The following TMEM165 variants were observed in gnomAD, a reference collection of about 807,000 sequenced individuals.
TMEM165 encodes transmembrane protein 165, also known as putative divalent cation/proton antiporter TMEM165.
TMEM165 carries 19 observed loss-of-function variants against 30.0 expected under a neutral mutation model. That is an observed-to-expected ratio of 0.63 (90% CI 0.44 to 0.93). The LOEUF is 0.93. TMEM165 is among the 40% of genes least tolerant of loss of function. TMEM165 has a pLI of 0.00. For synonymous variants in TMEM165, 168 were observed against 162.9 expected, an observed-to-expected ratio of 1.03 and a Z score of -0.24; for missense variants, 340 against 417.0, an observed-to-expected ratio of 0.82 and a Z score of 1.61.
intron 3 of TMEM165, chr4:55,434,187 T>C (rs147506592): frequency 1.3e-5 from 2 of 152,584 alleles, no homozygotes; most frequent in Non-Finnish European, 2.9e-5. Flanking sequence ...TGGTGAGTTA[T>C]CACCTGAATT....
chr4:55,442,177 T>A, intron 3 of TMEM165: 1 of 461,022 alleles, frequency 2.2e-6, no homozygotes, highest in African/African-American at 2.0e-5. Context: ...TTTCTAACAG[T>A]GTGCTGCAGA....
At chr4:55,447,448 A>G (rs1723959234) in intron 3 of TMEM165, among the ~76,000 whole-genome samples, 1 of 152,252 alleles carries the variant, frequency 6.6e-6, no homozygotes, top group Non-Finnish European at 1.5e-5. Context: ...GACAAGCATT[A>G]TATTGATAGC....
intron 1 of TMEM165, among the ~76,000 whole-genome samples, chr4:55,396,923 A>G (rs1242596439): frequency 6.6e-6 from 1 of 152,236 alleles, no homozygotes; most frequent in Non-Finnish European, 1.5e-5. Context: ...AGTAGCCTTT[A>G]GGAACGCAGA....
intron 4 of TMEM165, among the ~76,000 whole-genome samples, chr4:55,418,830 T>C: frequency 6.6e-6 from 1 of 152,116 alleles, no homozygotes; most frequent in Middle Eastern, 3.2e-3. Context: ...GCGGATCACC[T>C]GAGGTCAGGA....
intron 3 of TMEM165, among the ~76,000 whole-genome samples, chr4:55,438,089 G>A (rs574907293): frequency 2.6e-5 from 4 of 152,282 alleles, no homozygotes; most frequent in Non-Finnish European, 5.9e-5. Context: ...CACGTCTAAA[G>A]TCTTCCAACG....
intron 3 of TMEM165, among the ~76,000 whole-genome samples, chr4:55,451,612 T>C (rs1419041548): frequency 6.6e-6 from 1 of 152,216 alleles, no homozygotes; most frequent in Non-Finnish European, 1.5e-5. Context: ...ATAGCTGGTG[T>C]GTATTTTGGA....
At chr4:55,445,414 C>A (rs1723725846) in intron 3 of TMEM165, among the ~76,000 whole-genome samples, 1 of 151,898 alleles carries the variant, frequency 6.6e-6, no homozygotes, top group African/African-American at 2.4e-5. Flanking sequence ...TCTCTATTAT[C>A]CAGTTGCTAT....
chr4:55,408,023 A>G (rs1560390299), intron 1 of TMEM165, among the ~76,000 whole-genome samples: 1 of 152,188 alleles, frequency 6.6e-6, no homozygotes, highest in African/African-American at 2.4e-5. Context: ...TATACACTTA[A>G]CCACTACACT....
chr4:55,432,750 C>T (rs541320765), intron 3 of TMEM165: 1 of 152,230 alleles, frequency 6.6e-6, no homozygotes, highest in African/African-American at 2.4e-5. Flanking sequence ...AGAAAAGCAG[C>T]TAGCTGCTCC....
chr4:55,428,166 G>A (rs1722314443), downstream of TMEM165: 1 of 152,172 alleles, frequency 6.6e-6, no homozygotes, highest in South Asian at 2.1e-4. Context: ...GTATGGGAAA[G>A]AGCAGAATAA....
rs148458174 is a variant in TMEM165 at position 55,448,504 on chromosome 4, A to G, written c.409-3735A>G. ...GGGCCAGTGATACCCCACAATCATT[A>G]CAACAATCAAAAATGTCCCCAGATA... On this transcript the variant is annotated intron_variant, in intron 3 of 3. Transcript: ENST00000608091. Among the ~76,000 whole-genome samples the G allele has an allele frequency of 9.6e-3, 1,456 of 152,224 alleles. 9 individuals carry two copies. The highest frequency in any genetic ancestry group is 0.017 in the Non-Finnish European group (1,136 of 68,004).
At chr4:55,444,779 A>G in intron 3 of TMEM165, 1 of 1,613,970 alleles carries the variant, frequency 6.2e-7, no homozygotes, top group Non-Finnish European at 8.5e-7. Context: ...TGAGCTGAAA[A>G]CTGAAACTGA....
intron 3 of TMEM165, among the ~76,000 whole-genome samples, chr4:55,447,911 G>A (rs1267300890): frequency 2.6e-5 from 4 of 152,108 alleles, no homozygotes; most frequent in Non-Finnish European, 4.4e-5. Context: ...TAATGTGTTT[G>A]AGGCACTGAA....
At chr4:55,450,302 T>C (rs1724313309) in intron 3 of TMEM165, 2 of 1,581,214 alleles carry the variant, frequency 1.3e-6, no homozygotes, top group South Asian at 2.2e-5. Flanking sequence ...ACAATACTGT[T>C]AACAACAACA....
chr4:55,449,610 C>A, intron 3 of TMEM165: 1 of 893,468 alleles, frequency 1.1e-6, no homozygotes, highest in Non-Finnish European at 1.8e-6. Flanking sequence ...TTTTTCCAAA[C>A]CATTCAATGA....
chr4:55,419,271 C>T (rs891798099), intron 4 of TMEM165, among the ~76,000 whole-genome samples: 3 of 152,042 alleles, frequency 2.0e-5, no homozygotes, highest in South Asian at 2.1e-4. Flanking sequence ...GGATTATAGG[C>T]GAGAGTCACT....
intron 3 of TMEM165, chr4:55,444,830 C>A (rs766329561): frequency 8.2e-6 from 13 of 1,579,010 alleles, no homozygotes; most frequent in Non-Finnish European, 1.0e-5. Context: ...TTTAGAATTA[C>A]TTACTCCTTA....
At chr4:55,407,411 A>T (rs1721314147) in intron 1 of TMEM165, among the ~76,000 whole-genome samples, 1 of 152,206 alleles carries the variant, frequency 6.6e-6, no homozygotes, top group Non-Finnish European at 1.5e-5. Flanking sequence ...GGGTCTGAAG[A>T]TTTAATATGA....
chr4:55,410,090 C>A (rs1248999163), intron 1 of TMEM165, among the ~76,000 whole-genome samples: 2 of 152,166 alleles, frequency 1.3e-5, no homozygotes, highest in Non-Finnish European at 2.9e-5. Flanking sequence ...TTGCCTCCCA[C>A]CAGCCTTCCC....
Sources: gnomAD v4.1 joint callset for allele counts (sites outside exome capture counted in the v4.1 genomes callset) on GRCh38, gnomAD v4.1.1 for gene constraint, MANE v1.5 for transcripts, NCBI Gene and HGNC (gene_info 2026-07-23, HGNC 2026-07-21) for gene names.